TOX2: variants seen among roughly 807,000 people sequenced by gnomAD.
TOX2 encodes the protein granulosa cell HMG box 1.
A neutral mutation model predicts 47.4 loss-of-function variants in TOX2; 15 were observed. The ratio of observed to expected loss-of-function variants is 0.32; its 90% confidence interval spans 0.21 to 0.49. The LOEUF (loss-of-function observed/expected upper bound fraction) is 0.49, where lower values mean the gene tolerates loss of function less well. Among genes scored for constraint, TOX2 ranks in the 20% least tolerant of loss-of-function variants. TOX2 has a pLI of 0.99. For synonymous variants in TOX2, 290 were observed against 296.6 expected, an observed-to-expected ratio of 0.98 and a Z score of 0.23; for missense variants, 622 against 673.1, an observed-to-expected ratio of 0.92 and a Z score of 0.84.
chr20:44,007,558 C>T (rs1600730366), intron 3 of TOX2: 1 of 152,358 alleles, frequency 6.6e-6, no homozygotes, highest in Admixed American at 6.5e-5. Flanking sequence ...AAGAAAAATG[C>T]TCTGTTGCCG....
chr20:43,963,380 CA>C (rs142533708), intron 1 of TOX2, among the ~76,000 whole-genome samples: 25,688 of 152,248 alleles, frequency 0.17, 3,042 homozygotes, highest in African/African-American at 0.34. Context: ...GGGACATTCC[CA>C]GCTCCTGCGG....
Position 43,916,121 on chromosome 20 carries a change from G to GT in TOX2, c.99+1135dup, listed in dbSNP as rs2069052235. ...CCGGGCCGGCTGGAGCCAAGCGCGG[G>GT]TTTTCGTCACTCGGAGCCCGGATTG... is the stretch of plus-strand genomic sequence containing the variant. On this transcript the variant is annotated intron_variant, in intron 1 of 8. Coordinates refer to ENST00000341197, the MANE Select transcript of TOX2 (RefSeq NM_001098797.2). This position sits in a 1 kb window ranked among gnomAD's most constrained non-coding sequence, Gnocchi z 5.0. 8 of 985,532 alleles carry GT rather than the reference G, an allele frequency of 8.1e-6. No homozygotes were observed. The highest frequency in any genetic ancestry group is 9.6e-6 in the Non-Finnish European group (8 of 829,964). 61.0% of individuals were successfully genotyped at this position (985,532 alleles called of 1,614,324 possible). A position where few individuals can be genotyped will look rare whatever the true frequency, so the allele number is the denominator to read the frequency against.
At chr20:44,018,409 C>T (rs1482032336) in intron 3 of TOX2, among the ~76,000 whole-genome samples, 4 of 152,148 alleles carry the variant, frequency 2.6e-5, no homozygotes, top group Admixed American at 1.3e-4. Flanking sequence ...AAGGGAAAAT[C>T]GCAGCGACAT....
At position 44,045,042 on chromosome 20, in the gene TOX2, T is replaced by C. The variant is rs1046286775; in HGVS notation, c.412-6264T>C. Among the ~76,000 whole-genome samples, 6 of 152,308 alleles carry C rather than the reference T, an allele frequency of 3.9e-5. No homozygotes were observed. The East Asian group carries it at 9.6e-4, about 24-fold the overall frequency. ...AGAATACTGTGTGATTCCACTTGTT[T>C]GAGGTACCTGGAGTAGTCATAGTTC... On this transcript the variant is annotated intron_variant, in intron 3 of 8. Coordinates refer to ENST00000341197, the MANE Select transcript of TOX2 (RefSeq NM_001098797.2).
chr20:43,946,154 C>A, intron 1 of TOX2: 1 of 1,445,646 alleles, frequency 6.9e-7, no homozygotes, highest in Non-Finnish European at 9.3e-7. Context: ...GTGCTTGTCA[C>A]ATTCTGGAAT....
Position 44,068,715 on chromosome 20 carries a change from G to A in TOX2, c.*29G>A, listed in dbSNP as rs374390354. ...CGCCTCCCTACCATCCCTGAGGCTC[G>A]CTGGAAGGCACTGCTCAGAGCCTGA... On this transcript the variant is annotated 3_prime_UTR_variant, in exon 9 of 9. Transcript: ENST00000341197. 1.7e-5 allele frequency: 28 copies of A among 1,613,658 alleles called. No homozygotes were observed. The highest frequency in any genetic ancestry group is 3.3e-5 in the South Asian group (3 of 91,030).
At chr20:44,044,908 C>T (rs1364573603) in intron 3 of TOX2, among the ~76,000 whole-genome samples, 2 of 152,036 alleles carry the variant, frequency 1.3e-5, no homozygotes, top group African/African-American at 2.4e-5. Flanking sequence ...GTAGTCTATA[C>T]ATACAAGGGT....
chr20:43,967,532 A>G (rs1369980161), intron 1 of TOX2, among the ~76,000 whole-genome samples: 1 of 151,916 alleles, frequency 6.6e-6, no homozygotes, highest in Non-Finnish European at 1.5e-5. Context: ...TCACCCATCC[A>G]TGTTCATCTC....
At chr20:44,022,314 T>G (rs76209404) in intron 3 of TOX2, among the ~76,000 whole-genome samples, 3,346 of 152,282 alleles carry the variant, frequency 0.022, 75 homozygotes, top group African/African-American at 0.062. Flanking sequence ...GTGTTTTTTT[T>G]TGTGTGTGTA....
At chr20:43,993,813 A>C (rs955284547) in intron 2 of TOX2, among the ~76,000 whole-genome samples, 1 of 152,236 alleles carries the variant, frequency 6.6e-6, no homozygotes, top group Non-Finnish European at 1.5e-5. Context: ...TAGGACATCC[A>C]AGGGAAGTAA....
intron 1 of TOX2, among the ~76,000 whole-genome samples, chr20:43,941,553 G>A (rs544815433): frequency 3.9e-5 from 6 of 152,206 alleles, no homozygotes; most frequent in African/African-American, 1.2e-4. Context: ...GGCTGGTCTC[G>A]AACTCCTGAC....
At chr20:44,053,591 TAC>T (rs1226282082) in intron 4 of TOX2, among the ~76,000 whole-genome samples, 3 of 116,540 alleles carry the variant, frequency 2.6e-5, no homozygotes, top group Non-Finnish European at 5.2e-5. Context: ...ATACTATATA[TAC>T]ACACACATAT....
At chr20:43,925,101 G>T (rs1397408152) in intron 1 of TOX2, among the ~76,000 whole-genome samples, 2 of 152,106 alleles carry the variant, frequency 1.3e-5, no homozygotes, top group Non-Finnish European at 2.9e-5. Flanking sequence ...TTTGAAGATG[G>T]TAATTCGATT....
chr20:43,939,069 C>G (rs1230260032), intron 1 of TOX2, among the ~76,000 whole-genome samples: 1 of 152,194 alleles, frequency 6.6e-6, no homozygotes, highest in African/African-American at 2.4e-5. Context: ...TGCCAAAGCC[C>G]CAGCTTGGGT....
At position 44,068,878 on chromosome 20, in the gene TOX2, C is replaced by A. The variant is rs530944221; in HGVS notation, c.*192C>A. 8.9e-6 allele frequency: 7 copies of A among 790,668 alleles called. No homozygotes were observed. The highest frequency in any genetic ancestry group is 1.5e-5 in the South Asian group (1 of 68,304). The allele number at this position is 790,668 out of a possible 1,614,324, so 49.0% of individuals were successfully genotyped here. ...TCTGCAGAGGCAGCCCACTGCCCAC[C>A]ACCAGCCCAAAGAACCTGCAGGAAC... On this transcript the variant is annotated 3_prime_UTR_variant, in exon 9 of 9. Coordinates refer to ENST00000341197, the MANE Select transcript of TOX2 (RefSeq NM_001098797.2).
intron 2 of TOX2, among the ~76,000 whole-genome samples, chr20:43,977,187 C>T (rs184509425): frequency 6.6e-6 from 1 of 152,286 alleles, no homozygotes; most frequent in African/African-American, 2.4e-5. Context: ...ACTGCAACCT[C>T]CACCTCCTGG....
intron 3 of TOX2, among the ~76,000 whole-genome samples, chr20:44,046,025 C>T (rs183894947): frequency 1.3e-5 from 2 of 152,306 alleles, no homozygotes; most frequent in Admixed American, 1.3e-4. Flanking sequence ...AAACAGTTCA[C>T]TTTAAATCTG....
intron 1 of TOX2, among the ~76,000 whole-genome samples, chr20:43,921,007 G>T (rs73908109): frequency 6.6e-6 from 1 of 152,306 alleles, no homozygotes; most frequent in African/African-American, 2.4e-5. Flanking sequence ...CTAGGGCTTG[G>T]CAGTTGTAAC....
chr20:43,991,320 A>G lies in TOX2; in HGVS notation c.166-15227A>G, dbSNP rs575838850. Among the ~76,000 whole-genome samples, 9 of 152,332 alleles carry G rather than the reference A, an allele frequency of 5.9e-5. No individual in the cohort carries two copies. The East Asian group carries it at 1.4e-3, about 23-fold the overall frequency. ...TGACTTCTTAGAGCTTGCAGGAAAG[A>G]TGGTGCAGCACTGAGCCCAATGCCA... On this transcript the variant is annotated intron_variant, in intron 2 of 8. Transcript: ENST00000341197.
Sources: allele counts gnomAD v4.1 joint callset (sites outside exome capture counted in the v4.1 genomes callset), GRCh38; gene constraint gnomAD v4.1.1; non-coding constraint Gnocchi (gnomAD v3.1); transcripts MANE v1.5; gene names NCBI Gene and HGNC (gene_info 2026-07-23, HGNC 2026-07-21).